The following CLIC5 variants were observed in gnomAD, a reference collection of about 807,000 sequenced individuals.
CLIC5 encodes CLIC family member 5, also known as chloride intracellular channel protein 5.
A neutral mutation model predicts 24.7 loss-of-function variants in CLIC5; 20 were observed. The ratio of observed to expected loss-of-function variants is 0.81; its 90% CI spans 0.57 to 1.18. CLIC5 has a LOEUF of 1.18. Ranked by LOEUF, CLIC5 falls within the 50% of genes most tolerant of loss-of-function variation. The probability of loss-of-function intolerance (pLI) is 0.00; values close to 1 mark genes in which losing one functional copy is unlikely to be tolerated. For missense variants in CLIC5, 341 were observed against 326.1 expected, an observed-to-expected ratio of 1.05 and a Z score of -0.35; for synonymous variants, 159 against 135.6, an observed-to-expected ratio of 1.17 and a Z score of -1.20.
At chr6:46,079,632 T>C (rs1236541838) in intron 1 of CLIC5, 1 of 1,325,072 alleles carries the variant, frequency 7.5e-7, no homozygotes, top group East Asian at 2.5e-5. Flanking sequence ...TCCCTGGTCA[T>C]TCAGAGCAAA....
intron 1 of CLIC5, among the ~76,000 whole-genome samples, chr6:46,072,956 C>T (rs943452818): frequency 5.9e-5 from 9 of 152,160 alleles, no homozygotes; most frequent in African/African-American, 2.2e-4. Context: ...TGAATATATT[C>T]CCAGGCTAGG....
chr6:46,083,369 G>A (rs969825857), upstream of CLIC5, among the ~76,000 whole-genome samples: 1 of 151,996 alleles, frequency 6.6e-6, no homozygotes, highest in Non-Finnish European at 1.5e-5. Context: ...GTGATGTTAG[G>A]GTGCCAATTT....
intron 1 of CLIC5, among the ~76,000 whole-genome samples, chr6:46,067,665 A>G (rs1762479384): frequency 6.6e-6 from 1 of 152,186 alleles, no homozygotes; most frequent in African/African-American, 2.4e-5. Flanking sequence ...AAAAGATCAA[A>G]TAAGCACTCA....
At chr6:45,940,801 A>T (rs1348967192) in intron 4 of CLIC5, among the ~76,000 whole-genome samples, 1 of 152,088 alleles carries the variant, frequency 6.6e-6, no homozygotes, top group Non-Finnish European at 1.5e-5. Context: ...TGGGCCTAAC[A>T]CCGTTCTTCA....
intron 1 of CLIC5, among the ~76,000 whole-genome samples, chr6:45,996,406 C>T (rs1174731355): frequency 6.6e-6 from 1 of 152,098 alleles, no homozygotes; most frequent in Non-Finnish European, 1.5e-5. Flanking sequence ...GTGTTTTAGA[C>T]ATGAAGTCCT....
intron 1 of CLIC5, among the ~76,000 whole-genome samples, chr6:46,032,772 C>A (rs1006215506): frequency 2.0e-5 from 3 of 152,154 alleles, no homozygotes; most frequent in Admixed American, 6.6e-5. Context: ...ACTTAGTGAG[C>A]TACTCGGGCT....
chr6:46,048,375 G>T (rs1768013427), intron 1 of CLIC5, among the ~76,000 whole-genome samples: 1 of 152,090 alleles, frequency 6.6e-6, no homozygotes, highest in Non-Finnish European at 1.5e-5. Flanking sequence ...TGAACTTCAG[G>T]TTCACAAATT....
intron 1 of CLIC5, among the ~76,000 whole-genome samples, chr6:46,005,089 G>A (rs556998143): frequency 2.6e-5 from 4 of 152,184 alleles, no homozygotes; most frequent in Admixed American, 1.3e-4. Flanking sequence ...AGGAGCCTTG[G>A]GCTGGATCAA....
intron 1 of CLIC5, among the ~76,000 whole-genome samples, chr6:45,991,420 G>A (rs1359271317): frequency 6.6e-6 from 1 of 152,180 alleles, no homozygotes; most frequent in Non-Finnish European, 1.5e-5. Flanking sequence ...ACCCACCAGA[G>A]CTTGGAAGAA....
chr6:45,982,010 G>A (rs1341780111), intron 1 of CLIC5, among the ~76,000 whole-genome samples: 17 of 141,240 alleles, frequency 1.2e-4, no homozygotes, highest in South Asian at 4.4e-4. Context: ...AAAAAAAAAA[G>A]AAAAAAAGAA....
intron 1 of CLIC5, among the ~76,000 whole-genome samples, chr6:46,043,860 G>A (rs1385451701): frequency 2.0e-5 from 3 of 152,194 alleles, no homozygotes; most frequent in Admixed American, 6.5e-5. Flanking sequence ...CTTGCAGAGG[G>A]CAGCAGAGTT....
chr6:46,066,920 G>A (rs115704618), intron 1 of CLIC5, among the ~76,000 whole-genome samples: 2,244 of 152,234 alleles, frequency 0.015, 53 homozygotes, highest in African/African-American at 0.051. Flanking sequence ...CATCCTATTT[G>A]TGGAGAGCTC....
At chr6:45,999,596 G>A (rs1056801269) in intron 1 of CLIC5, among the ~76,000 whole-genome samples, 1 of 151,930 alleles carries the variant, frequency 6.6e-6, no homozygotes, top group African/African-American at 2.4e-5. Flanking sequence ...TGTCACTCCC[G>A]AGAGAATAAG....
intron 1 of CLIC5, among the ~76,000 whole-genome samples, chr6:45,962,063 T>TAC (rs74732121): frequency 0.11 from 16,083 of 145,394 alleles, 822 homozygotes; most frequent in South Asian, 0.15. Flanking sequence ...TATATGTACA[T>TAC]ACACACACAC....
chr6:46,028,736 C>T (rs1767414176), intron 1 of CLIC5, among the ~76,000 whole-genome samples: 1 of 152,154 alleles, frequency 6.6e-6, no homozygotes, highest in Non-Finnish European at 1.5e-5. Context: ...CATGCACAGC[C>T]TCCCCCATTA....
the CLIC5 span, among the ~76,000 whole-genome samples, chr6:46,095,748 CG>C: frequency 6.6e-6 from 1 of 152,326 alleles, no homozygotes; most frequent in Admixed American, 6.5e-5. Context: ...AACTTTCCCC[CG>C]TCTTCCTATC....
chr6:45,900,717 T>G lies in CLIC5; in HGVS notation c.*2371A>C, dbSNP rs939693089. On this transcript the variant is annotated 3_prime_UTR_variant, in exon 6 of 6. Transcript: ENST00000339561. ...AGTGCCTTCCTTCTGTACTCCTCCC[T>G]CTCTTTCAAATGGCTATCATTGATC... 2.6e-5 allele frequency: 4 copies of G among 152,144 alleles called. No homozygotes were observed. Among genetic ancestry groups the G allele is most frequent in the African/African-American group, 9.7e-5 (4 of 41,448 alleles). 9.4% of individuals were successfully genotyped at this position (152,144 alleles called of 1,614,324 possible).
chr6:45,953,043 G>T (rs759141367), intron 2 of CLIC5, among the ~76,000 whole-genome samples: 17 of 152,194 alleles, frequency 1.1e-4, no homozygotes, highest in East Asian at 3.9e-4. Flanking sequence ...GGGATTGAAG[G>T]TCTCATTTGA....
intron 1 of CLIC5, among the ~76,000 whole-genome samples, chr6:46,064,314 A>C (rs551374696): frequency 6.6e-6 from 1 of 152,256 alleles, no homozygotes; most frequent in Non-Finnish European, 1.5e-5. Flanking sequence ...CCACCAAGAA[A>C]TCTCTAGTAA....
Sources: gnomAD v4.1 joint callset for allele counts (sites outside exome capture counted in the v4.1 genomes callset) on GRCh38, gnomAD v4.1.1 for gene constraint, MANE v1.5 for transcripts, NCBI Gene and HGNC (gene_info 2026-07-23, HGNC 2026-07-21) for gene names.